ADGRV1: variants seen among roughly 807,000 people sequenced by gnomAD.
ADGRV1 encodes G-protein coupled receptor 98.
A neutral mutation model predicts 596.2 loss-of-function variants in ADGRV1; 359 were observed. That is an observed-to-expected ratio of 0.60 (90% confidence interval 0.55 to 0.66). The LOEUF is 0.66. Among genes scored for constraint, ADGRV1 ranks in the 30% least tolerant of loss-of-function variants. The pLI, the probability that ADGRV1 is intolerant of heterozygous loss-of-function variation, is 0.00. For missense variants in ADGRV1, 7,274 were observed against 7,575.6 expected, an observed-to-expected ratio of 0.96 and a Z score of 1.48; for synonymous variants, 2,681 against 2,679.2, an observed-to-expected ratio of 1.00 and a Z score of -0.02.
At chr5:90,790,828 A>G (rs1318973723) in intron 69 of ADGRV1, 45 bp from the exon 70 acceptor site, 6 of 1,277,502 alleles carry the variant, frequency 4.7e-6, no homozygotes, top group East Asian at 4.6e-5. Context: ...TTGGTGCAAT[A>G]TACTGAATTA....
chr5:90,971,473 G>A (rs1401465204), intron 84 of ADGRV1, among the ~76,000 whole-genome samples: 1 of 152,192 alleles, frequency 6.6e-6, no homozygotes, highest in Non-Finnish European at 1.5e-5. Context: ...TACCCACAAA[G>A]GGAAGCCCAT....
intron 48 of ADGRV1, among the ~76,000 whole-genome samples, chr5:90,726,340 A>G (rs1370070171): frequency 6.6e-6 from 1 of 152,136 alleles, no homozygotes; most frequent in East Asian, 1.9e-4. Context: ...TGGTTACTAC[A>G]ATCAGCCTAA....
At chr5:90,746,704 G>A (rs535698022) in intron 52 of ADGRV1, among the ~76,000 whole-genome samples, 2 of 152,304 alleles carry the variant, frequency 1.3e-5, no homozygotes, top group Non-Finnish European at 2.9e-5. Flanking sequence ...ATTTGGGGCA[G>A]AGAGAGATAT....
At chr5:91,131,903 T>G (rs1394151522) in intron 87 of ADGRV1, among the ~76,000 whole-genome samples, 1 of 152,216 alleles carries the variant, frequency 6.6e-6, no homozygotes, top group Non-Finnish European at 1.5e-5. Context: ...TCCTAAGTTT[T>G]CTTCTAGGAT....
chr5:90,765,429 CCACACACACACACACACA>C (rs531033246), intron 59 of ADGRV1, among the ~76,000 whole-genome samples: 8 of 136,270 alleles, frequency 5.9e-5, no homozygotes, highest in South Asian at 2.4e-4. Context: ...AAATCACAGA[CCACACACACACACACACA>C]CACACACACA....
intron 86 of ADGRV1, among the ~76,000 whole-genome samples, chr5:91,096,441 T>C (rs898920611): frequency 6.6e-6 from 1 of 152,280 alleles, no homozygotes; most frequent in Admixed American, 6.5e-5. Context: ...ACTTTCTTAA[T>C]GATAGTAGCA....
At chr5:90,995,579 G>T (rs1781346359) in intron 85 of ADGRV1, among the ~76,000 whole-genome samples, 1 of 152,194 alleles carries the variant, frequency 6.6e-6, no homozygotes, top group African/African-American at 2.4e-5. Flanking sequence ...TTGGTACCTG[G>T]AGTGGGGCAT....
Position 91,035,861 on chromosome 5 carries a change from T to TATTATATATA in ADGRV1, c.18153-36586_18153-36585insATTATATATA. Among the ~76,000 whole-genome samples, 950 of 96,322 alleles carry TATTATATATA rather than the reference T, an allele frequency of 9.9e-3. 25 individuals carry two copies. The highest frequency in any genetic ancestry group is 0.035 in the African/African-American group (910 of 26,290). 63.2% of individuals were successfully genotyped at this position (96,322 alleles called of 152,430 possible). On this transcript the variant is annotated intron_variant, in intron 85 of 89. Coordinates refer to ENST00000405460, the MANE Select transcript of ADGRV1 (RefSeq NM_032119.4). ...ATGAGTGTGTATATATATATATATA[T>TATTATATATA]TATATATATATATATATATATCTTA...
chr5:91,017,505 A>G (rs1227623798), intron 85 of ADGRV1, among the ~76,000 whole-genome samples: 3 of 151,924 alleles, frequency 2.0e-5, no homozygotes, highest in African/African-American at 4.8e-5. Flanking sequence ...CTCCCGTGGC[A>G]TGAATACAGG....
At chr5:91,160,614 T>C (rs1408331643) in intron 89 of ADGRV1, among the ~76,000 whole-genome samples, 8 of 152,242 alleles carry the variant, frequency 5.3e-5, no homozygotes, top group African/African-American at 1.7e-4. Context: ...GTCCCTGTTA[T>C]CACAGTCGCT....
At chr5:90,912,897 G>A (rs1773020400) in intron 83 of ADGRV1, among the ~76,000 whole-genome samples, 1 of 152,066 alleles carries the variant, frequency 6.6e-6, no homozygotes, top group South Asian at 2.1e-4. Flanking sequence ...AGTTAATTAA[G>A]TCCACTTCTC....
At chr5:91,056,416 A>G (rs1581919728) in intron 85 of ADGRV1, among the ~76,000 whole-genome samples, 2 of 152,206 alleles carry the variant, frequency 1.3e-5, no homozygotes, top group Middle Eastern at 3.4e-3. Context: ...CAGTTGTCCT[A>G]TAAAATCCAC....
intron 85 of ADGRV1, among the ~76,000 whole-genome samples, chr5:90,988,049 G>C (rs1780639845): frequency 6.6e-6 from 1 of 152,070 alleles, no homozygotes; most frequent in Non-Finnish European, 1.5e-5. Flanking sequence ...TCTTCTCCAA[G>C]TATTAATAGG....
In ADGRV1 at chr5:90,791,333, C is replaced by A; in HGVS notation, c.14504C>A (p.Pro4835Gln). The A allele has an allele frequency of 6.4e-7, 1 of 1,559,902 alleles. No homozygotes were observed. Among genetic ancestry groups the A allele is most frequent in the East Asian group, 2.4e-5 (1 of 42,098 alleles). ...GCCACATATAAAGTGGACGTGGTGC[C>A]AATAAAGAATCAGGTTTGTGGCATT... ...DGATYKVDVV[P>Q]IKNQVFLSLG... The change falls in exon 70 of 90, where the codon CCA (proline) becomes CAA (glutamine). Residue 4835 changes from proline (P) to glutamine (Q), a missense_variant. This residue lies in a region of ADGRV1 where 1,874 missense variants were observed against 1,970.2 expected (regional missense o/e 0.95). Coordinates refer to ENST00000405460, the MANE Select transcript of ADGRV1 (RefSeq NM_032119.4).
intron 45 of ADGRV1, among the ~76,000 whole-genome samples, 172 bp from the exon 46 acceptor site, chr5:90,724,660 G>T (rs532764958): frequency 6.6e-6 from 1 of 152,088 alleles, no homozygotes; most frequent in Non-Finnish European, 1.5e-5. Context: ...TTCATTATTT[G>T]TAGTTATTTT....
At position 91,150,432 on chromosome 5, in the gene ADGRV1, G is replaced by A. The variant is rs116278066; in HGVS notation, c.18624+211G>A. ...TATGGTACTTGGTTTCCTTACTATA[G>A]CGTCACACCCATTATCTAATTCTTT... is the stretch of plus-strand genomic sequence containing the variant. On this transcript the variant is annotated intron_variant, in intron 88 of 89. Coordinates refer to ENST00000405460, the MANE Select transcript of ADGRV1 (RefSeq NM_032119.4). Among the ~76,000 whole-genome samples the A allele has an allele frequency of 7.7e-3, 1,165 of 152,264 alleles. 20 individuals carry two copies. Among genetic ancestry groups the A allele is most frequent in the African/African-American group, 0.027 (1,120 of 41,538 alleles).
rs1561711195 is a variant in ADGRV1 at position 90,778,614 on chromosome 5, A to AAAC, written c.12849+5_12849+6insAAC. 1 of 1,545,770 alleles carries AAAC rather than the reference A, an allele frequency of 6.5e-7. No individual in the cohort carries two copies. The highest frequency in any genetic ancestry group is 1.4e-5 in the African/African-American group (1 of 72,134). On this transcript the variant is annotated splice_donor_region_variant and intron_variant, in intron 63 of 89. Coordinates refer to ENST00000405460, the MANE Select transcript of ADGRV1 (RefSeq NM_032119.4). ...CGAGTGTCAGAAGCACAGAGGGTAT[A>AAAC]GTATGAAATGCTTAAGATTTTAATA...
chr5:91,041,506 G>T lies in ADGRV1; in HGVS notation c.18153-30941G>T, dbSNP rs567614526. ...CATCGAGGGGTGGGGAGCTAGGGGAGGGATAGCATTAGGAGAAATACCTAA... is the reference window on the plus strand; with the variant it reads ...CATCGAGGGGTGGGGAGCTAGGGGATGGATAGCATTAGGAGAAATACCTAA... On this transcript the variant is annotated intron_variant, in intron 85 of 89. Transcript: ENST00000405460. Among the ~76,000 whole-genome samples the T allele has an allele frequency of 1.2e-4, 18 of 151,872 alleles. No individual in the cohort carries two copies. In the East Asian group the frequency reaches 3.1e-3, roughly 26 times the overall value.
chr5:90,995,873 G>T (rs1446292096), intron 85 of ADGRV1, among the ~76,000 whole-genome samples: 1 of 152,068 alleles, frequency 6.6e-6, no homozygotes, highest in Non-Finnish European at 1.5e-5. Context: ...CCCGCTCTAG[G>T]GCTCTCTGGA....
Sources: allele counts gnomAD v4.1 joint callset (sites outside exome capture counted in the v4.1 genomes callset), GRCh38; gene constraint gnomAD v4.1.1; regional missense constraint gnomAD v4.1.1; transcripts MANE v1.5; gene names NCBI Gene and HGNC (gene_info 2026-07-23, HGNC 2026-07-21).